Variants in ASB3 observed in about 807,000 individuals in gnomAD.
ASB3 encodes the protein ankyrin repeat and SOCS box containing 3, also known as ankyrin repeat and SOCS box protein 3.
ASB3 carries 41 observed loss-of-function variants against 54.5 expected under a neutral mutation model. That is an observed-to-expected ratio of 0.75 (90% confidence interval 0.59 to 0.98). The LOEUF is 0.98. ASB3 is among the 50% of genes least tolerant of loss of function. The pLI, the probability that ASB3 is intolerant of heterozygous loss-of-function variation, is 0.00. For synonymous variants in ASB3, 266 were observed against 221.2 expected (o/e 1.20, Z -1.80); for missense variants, 733 against 620.0 (o/e 1.18, Z -1.94).
intron 3 of ASB3, among the ~76,000 whole-genome samples, chr2:53,743,874 C>T (rs59951261): frequency 0.057 from 8,679 of 151,930 alleles, 456 homozygotes; most frequent in East Asian, 0.28. Context: ...GAAACCTCAT[C>T]GCCACTAAAT....
chr2:53,681,359 G>C (rs1220705796), intron 9 of ASB3, among the ~76,000 whole-genome samples: 1 of 152,146 alleles, frequency 6.6e-6, no homozygotes, highest in Non-Finnish European at 1.5e-5. Flanking sequence ...CTGTGCATCA[G>C]AAACTTTTAA....
At chr2:53,698,534 T>C (rs1024554684) in intron 8 of ASB3, among the ~76,000 whole-genome samples, 2 of 152,226 alleles carry the variant, frequency 1.3e-5, no homozygotes, top group Non-Finnish European at 2.9e-5. Flanking sequence ...CCTGAATGCT[T>C]TGCTACTTAG....
chr2:53,725,430 A>T (rs1024313654), intron 5 of ASB3, among the ~76,000 whole-genome samples: 2 of 152,314 alleles, frequency 1.3e-5, no homozygotes, highest in African/African-American at 4.8e-5. Flanking sequence ...TACCCTCTGA[A>T]TCTGAAATAA....
At chr2:53,738,299 G>A (rs1671753520) in intron 3 of ASB3, among the ~76,000 whole-genome samples, 2 of 152,220 alleles carry the variant, frequency 1.3e-5, no homozygotes. Flanking sequence ...GGGCAAAGGA[G>A]ATAAATATTT....
chr2:53,778,626 G>C (rs1674483079), intron 1 of ASB3, among the ~76,000 whole-genome samples: 2 of 152,088 alleles, frequency 1.3e-5, no homozygotes, highest in East Asian at 3.9e-4. Flanking sequence ...ATATAAGTAA[G>C]CACATATGTT....
At chr2:53,763,799 A>G (rs996773073) in intron 2 of ASB3, among the ~76,000 whole-genome samples, 8 of 152,242 alleles carry the variant, frequency 5.3e-5, no homozygotes, top group African/African-American at 1.9e-4. Context: ...TACTAAAAAT[A>G]GTTTGGGAAC....
rs1226265161 is a variant in ASB3, at chr2:53,733,727, C to T, written c.356-4157G>A. Among the ~76,000 whole-genome samples the T allele has an allele frequency of 2.6e-5, 4 of 152,242 alleles. No individual in the cohort carries two copies. In the East Asian group the frequency reaches 5.8e-4, roughly 22 times the overall value. On this transcript the variant is annotated intron_variant, in intron 3 of 9. Coordinates refer to ENST00000263634, the MANE Select transcript of ASB3 (RefSeq NM_016115.5). ...ACCTCCTCCAATGCCGAGACCAGCT[C>T]GGTTGGGGAGACCCTAACCCAGTGG... is the stretch of plus-strand genomic sequence containing the variant.
chr2:53,773,656 C>T (rs1002642515), intron 1 of ASB3, among the ~76,000 whole-genome samples: 1 of 151,830 alleles, frequency 6.6e-6, no homozygotes, highest in Admixed American at 6.6e-5. Context: ...GTCTTCCACT[C>T]CTGACCTCGT....
At chr2:53,722,643 A>G (rs1425180070) in intron 5 of ASB3, among the ~76,000 whole-genome samples, 6 of 152,152 alleles carry the variant, frequency 3.9e-5, no homozygotes, top group Non-Finnish European at 5.9e-5. Flanking sequence ...TGATAAAAAC[A>G]AAACAAACAA....
chr2:53,682,501 G>A (rs754195508), intron 9 of ASB3, among the ~76,000 whole-genome samples: 1 of 151,830 alleles, frequency 6.6e-6, no homozygotes, highest in African/African-American at 2.4e-5. Flanking sequence ...TTTTGAGATG[G>A]AGTCTTGCTC....
chr2:53,758,457 G>T (rs908930443), intron 2 of ASB3, among the ~76,000 whole-genome samples: 2 of 152,218 alleles, frequency 1.3e-5, no homozygotes, highest in Admixed American at 6.5e-5. Flanking sequence ...TCTCTGAAAA[G>T]AATTTGCATA....
intron 9 of ASB3, among the ~76,000 whole-genome samples, chr2:53,676,334 A>C (rs1023731237): frequency 6.6e-6 from 1 of 152,134 alleles, no homozygotes; most frequent in Non-Finnish European, 1.5e-5. Flanking sequence ...TGTTATCTCC[A>C]TTACCTTACA....
chr2:53,786,149 C>G (rs1262237178), intron 1 of ASB3: 1 of 152,154 alleles, frequency 6.6e-6, no homozygotes, highest in Non-Finnish European at 1.5e-5. Context: ...GAGATCAAAA[C>G]AGACAATGGC....
intron 1 of ASB3, among the ~76,000 whole-genome samples, chr2:53,771,322 C>A (rs995259938): frequency 6.6e-6 from 1 of 152,116 alleles, no homozygotes; most frequent in Non-Finnish European, 1.5e-5. Flanking sequence ...CCATACCAGC[C>A]TGGCCAACAT....
chr2:53,757,302 G>A (rs1672888261), intron 2 of ASB3, among the ~76,000 whole-genome samples: 1 of 152,216 alleles, frequency 6.6e-6, no homozygotes, highest in African/African-American at 2.4e-5. Context: ...CAACCCTTCT[G>A]GGTTGGGAGC....
chr2:53,675,525 T>C lies in ASB3; in HGVS notation c.1370-4835A>G, dbSNP rs149298230. 1.5e-4 allele frequency among the ~76,000 whole-genome samples: 23 copies of C among 152,344 alleles called. No homozygotes were observed. In the East Asian group the frequency reaches 4.0e-3, roughly 27 times the overall value. On this transcript the variant is annotated intron_variant, in intron 9 of 9. Coordinates refer to ENST00000263634, the MANE Select transcript of ASB3 (RefSeq NM_016115.5). ...TCTAAGCCCAGTTTATTCTGATACA[T>C]GGATGTAGCTGAAATAAGGTCTAAA...
chr2:53,735,375 AG>A (rs1367679981), intron 3 of ASB3, among the ~76,000 whole-genome samples: 1 of 152,158 alleles, frequency 6.6e-6, no homozygotes, highest in Non-Finnish European at 1.5e-5. Context: ...ACATTCTATC[AG>A]CCCCTTAAAA....
intron 9 of ASB3, among the ~76,000 whole-genome samples, chr2:53,681,251 G>T (rs1194522781): frequency 6.6e-6 from 1 of 152,126 alleles, no homozygotes; most frequent in Non-Finnish European, 1.5e-5. Context: ...GGGACTGCTG[G>T]ATTATATGGT....
At chr2:53,687,892 T>A (rs905992182) in intron 9 of ASB3, among the ~76,000 whole-genome samples, 2 of 152,212 alleles carry the variant, frequency 1.3e-5, no homozygotes, top group African/African-American at 4.8e-5. Context: ...CACGGCTCAC[T>A]GCAGCCTTGA....
Sources: allele counts gnomAD v4.1 joint callset (sites outside exome capture counted in the v4.1 genomes callset), GRCh38; gene constraint gnomAD v4.1.1; transcripts MANE v1.5; gene names NCBI Gene and HGNC (gene_info 2026-07-23, HGNC 2026-07-21).